FHIT: variants seen among roughly 807,000 people sequenced by gnomAD.
FHIT encodes fragile histidine triad diadenosine triphosphatase, also known as bis(5'-adenosyl)-triphosphatase.
Under a neutral mutation model 17.9 loss-of-function variants are expected in FHIT, and 19 were observed. That is an observed-to-expected ratio of 1.06 (90% CI 0.74 to 1.56). The LOEUF (loss-of-function observed/expected upper bound fraction) is 1.56, where lower values mean the gene tolerates loss of function less well. Among genes scored for constraint, FHIT ranks in the 40% most tolerant of loss-of-function variants. The probability of loss-of-function intolerance (pLI) is 0.00; values close to 1 mark genes in which losing one functional copy is unlikely to be tolerated. For missense variants in FHIT, 248 were observed against 189.2 expected (o/e 1.31, Z -1.82); for synonymous variants, 81 against 69.7 (o/e 1.16, Z -0.81).
intron 5 of FHIT, among the ~76,000 whole-genome samples, chr3:60,226,488 A>AAAAAAAACAAAAAAAAAC (rs1227894601): frequency 2.0e-5 from 3 of 151,210 alleles, no homozygotes; most frequent in South Asian, 4.2e-4. Context: ...AAAAAAAAAA[A>AAAAAAAACAAAAAAAAAC]AAAAAACACT....
chr3:60,104,988 T>A (rs2107154867), intron 5 of FHIT, among the ~76,000 whole-genome samples: 1 of 152,274 alleles, frequency 6.6e-6, no homozygotes, highest in Non-Finnish European at 1.5e-5. Context: ...AAATAAAAAC[T>A]CAACAATAAT....
intron 5 of FHIT, among the ~76,000 whole-genome samples, chr3:60,320,324 A>G (rs1709368576): frequency 6.6e-6 from 1 of 152,166 alleles, no homozygotes; most frequent in Admixed American, 6.5e-5. Context: ...TATTGTGACT[A>G]GGTGGTGGTT....
chr3:60,775,748 G>C (rs911530584), intron 4 of FHIT, among the ~76,000 whole-genome samples: 1 of 151,940 alleles, frequency 6.6e-6, no homozygotes, highest in South Asian at 2.1e-4. Context: ...GGGATGGACC[G>C]GCGAGCAGCA....
At chr3:59,859,742 A>C (rs1435240438) in intron 8 of FHIT, among the ~76,000 whole-genome samples, 1 of 152,190 alleles carries the variant, frequency 6.6e-6, no homozygotes, top group Non-Finnish European at 1.5e-5. Flanking sequence ...ACAAACAAAC[A>C]AAACCATTCC....
intron 5 of FHIT, among the ~76,000 whole-genome samples, chr3:60,399,307 C>T (rs1214199612): frequency 6.6e-6 from 1 of 152,140 alleles, no homozygotes; most frequent in African/African-American, 2.4e-5. Context: ...TTCTCCCTTT[C>T]TTAACCCTCA....
At position 60,265,802 on chromosome 3, in the gene FHIT, A is replaced by AT. The variant is rs1463645186; in HGVS notation, c.104-251651dup. Among the ~76,000 whole-genome samples, 5 of 151,956 alleles carry AT rather than the reference A, an allele frequency of 3.3e-5. No individual in the cohort carries two copies. In the East Asian group the frequency reaches 9.6e-4, roughly 29 times the overall value. On this transcript the variant is annotated intron_variant, in intron 5 of 9. Coordinates refer to ENST00000492590, the MANE Select transcript of FHIT (RefSeq NM_002012.4). ...ACATTTCTCCAAACAAGATACTCAG[A>AT]TGGCCAATACGCAAATGAAAAGATA... is the stretch of plus-strand genomic sequence containing the variant.
intron 5 of FHIT, among the ~76,000 whole-genome samples, chr3:60,178,441 C>T (rs1226334489): frequency 6.6e-6 from 1 of 151,930 alleles, no homozygotes; most frequent in East Asian, 1.9e-4. Flanking sequence ...CAAAAATTAC[C>T]TGGGTGTTGT....
intron 3 of FHIT, among the ~76,000 whole-genome samples, chr3:60,985,377 A>C (rs1328260201): frequency 6.6e-6 from 1 of 152,092 alleles, no homozygotes; most frequent in Non-Finnish European, 1.5e-5. Flanking sequence ...CCAGCAAGCT[A>C]TCCGATCCTC....
At chr3:59,806,000 T>C (rs1307560279) in intron 8 of FHIT, among the ~76,000 whole-genome samples, 1 of 151,910 alleles carries the variant, frequency 6.6e-6, no homozygotes, top group Non-Finnish European at 1.5e-5. Context: ...GCTAACACGG[T>C]GAAACCCCGT....
intron 4 of FHIT, among the ~76,000 whole-genome samples, chr3:60,681,818 T>C (rs1465300489): frequency 2.6e-5 from 4 of 152,136 alleles, no homozygotes; most frequent in Admixed American, 2.6e-4. Flanking sequence ...GAAGAAAAGT[T>C]TGAAGATAGC....
intron 5 of FHIT, among the ~76,000 whole-genome samples, chr3:60,355,653 C>T (rs1012571168): frequency 1.3e-5 from 2 of 152,114 alleles, no homozygotes; most frequent in African/African-American, 4.8e-5. Flanking sequence ...CAATCAGCAG[C>T]AGCTATCTAC....
chr3:60,277,805 G>C (rs1188207542), intron 5 of FHIT, among the ~76,000 whole-genome samples: 1 of 151,824 alleles, frequency 6.6e-6, no homozygotes, highest in Non-Finnish European at 1.5e-5. Context: ...CTCACTCCTT[G>C]TGTGTGTGTG....
chr3:60,622,979 G>C (rs1270110263), intron 4 of FHIT, among the ~76,000 whole-genome samples: 1 of 152,160 alleles, frequency 6.6e-6, no homozygotes, highest in Admixed American at 6.5e-5. Flanking sequence ...AGATGCTGCT[G>C]TTGACAGTCG....
intron 5 of FHIT, among the ~76,000 whole-genome samples, chr3:60,206,437 T>C (rs1467786639): frequency 6.6e-6 from 1 of 152,104 alleles, no homozygotes; most frequent in African/African-American, 2.4e-5. Context: ...TCTGGGTAGA[T>C]GTTGACTTTC....
chr3:60,743,355 G>C lies in FHIT; in HGVS notation c.-18+78564C>G, dbSNP rs570192104. On this transcript the variant is annotated intron_variant, in intron 4 of 9. Coordinates refer to ENST00000492590, the MANE Select transcript of FHIT (RefSeq NM_002012.4). ...AATGACAGCATAGTGAGTCTCCTAG[G>C]GATGCAGGTCAATAGATGTTGAACT... Among the ~76,000 whole-genome samples, 3 of 152,222 alleles carry C rather than the reference G, an allele frequency of 2.0e-5. No homozygotes were observed. The East Asian group carries it at 5.8e-4, about 29-fold the overall frequency.
At position 60,968,542 on chromosome 3, in the gene FHIT, A is replaced by C. The variant is rs145495233; in HGVS notation, c.-111+73505T>G. On this transcript the variant is annotated intron_variant, in intron 3 of 9. Coordinates refer to ENST00000492590, the MANE Select transcript of FHIT (RefSeq NM_002012.4). ...ATTCTCCTGCTTCAGCCTCCCGTGT[A>C]GCTGGGACTACAGGCACCTGCCACC... is the stretch of plus-strand genomic sequence containing the variant. 9.4e-3 allele frequency among the ~76,000 whole-genome samples: 1,424 copies of C among 151,316 alleles called. 18 individuals are homozygous for C. Among genetic ancestry groups the C allele is most frequent in the African/African-American group, 0.033 (1,339 of 41,200 alleles).
chr3:60,812,685 T>C (rs1175312458), intron 4 of FHIT, among the ~76,000 whole-genome samples: 1 of 151,814 alleles, frequency 6.6e-6, no homozygotes, highest in South Asian at 2.1e-4. Flanking sequence ...CATAAAGATG[T>C]TCATTTATCT....
rs184454870 is a variant in FHIT at position 59,753,346 on chromosome 3, C to G, written c.349-1025G>C. On this transcript the variant is annotated intron_variant, in intron 8 of 9. Coordinates refer to ENST00000492590, the MANE Select transcript of FHIT (RefSeq NM_002012.4). ...ATTAACACTTGAATCATTTAAATTC[C>G]TCCTCAGATTACAGGCATATTTAAA... Among the ~76,000 whole-genome samples the G allele has an allele frequency of 2.1e-3, 327 of 152,212 alleles. 1 individual carries two copies. Among genetic ancestry groups the G allele is most frequent in the African/African-American group, 7.7e-3 (319 of 41,534 alleles).
chr3:61,089,317 T>A (rs2035405198), intron 2 of FHIT, among the ~76,000 whole-genome samples: 1 of 152,210 alleles, frequency 6.6e-6, no homozygotes, highest in Non-Finnish European at 1.5e-5. Context: ...GTGGAACAAC[T>A]ACCTGTATCT....
Sources: allele counts gnomAD v4.1 joint callset (sites outside exome capture counted in the v4.1 genomes callset), GRCh38; gene constraint gnomAD v4.1.1; transcripts MANE v1.5; gene names NCBI Gene and HGNC (gene_info 2026-07-23, HGNC 2026-07-21).